Variants in WIPF3 observed in about 807,000 individuals in gnomAD.
WIPF3 encodes the protein WAS/WASL interacting protein family member 3, also known as WAS/WASL-interacting protein family member 3.
Under a neutral mutation model 38.9 loss-of-function variants are expected in WIPF3, and 33 were observed. The ratio of observed to expected loss-of-function variants is 0.85; its 90% CI spans 0.64 to 1.14. The LOEUF (loss-of-function observed/expected upper bound fraction) is 1.14, where lower values mean the gene tolerates loss of function less well. Among genes scored for constraint, WIPF3 ranks in the 50% most tolerant of loss-of-function variants. The pLI is 0.00. For missense variants in WIPF3, 711 were observed against 652.5 expected (o/e 1.09, Z -0.98); for synonymous variants, 324 against 269.3 (o/e 1.20, Z -1.99).
intron 2 of WIPF3, among the ~76,000 whole-genome samples, chr7:29,866,809 T>A (rs1785395895): frequency 6.6e-6 from 1 of 152,222 alleles, no homozygotes; most frequent in Non-Finnish European, 1.5e-5. Flanking sequence ...TGAGGCAACA[T>A]CTAGCCTGGC....
intron 7 of WIPF3, among the ~76,000 whole-genome samples, chr7:29,890,929 CT>C (rs1786001435): frequency 7.2e-6 from 1 of 139,846 alleles, no homozygotes; most frequent in Non-Finnish European, 1.5e-5. Flanking sequence ...GCGGGCCTGC[CT>C]TGTGCTCAGG....
intron 2 of WIPF3, among the ~76,000 whole-genome samples, chr7:29,842,666 A>C (rs535682937): frequency 3.5e-4 from 53 of 152,294 alleles, no homozygotes; most frequent in African/African-American, 1.3e-3. Context: ...GTAGAAAAAC[A>C]TGCCAATCTG....
chr7:29,884,268 GCCCATCCC>G lies in WIPF3; in HGVS notation c.775_782del (p.Pro259AlafsTer56). Reference sequence around the variant, plus strand: ...CTCAGCTGGCTCCCTTGCACCTCCCGCCCATCCCGCCCCCGCTCCCTCTGCTCCCACCT... The same window carrying G: ...CTCAGCTGGCTCCCTTGCACCTCCCGGCCCCCGCTCCCTCTGCTCCCACCT... On this transcript the variant is annotated frameshift_variant, in exon 5 of 9. Coordinates refer to ENST00000242140, the MANE Select transcript of WIPF3 (RefSeq NM_001080529.3). LOFTEE classifies it high-confidence loss of function. 7.2e-5 allele frequency: 35 copies of G among 486,026 alleles called. No homozygotes were observed. The highest frequency in any genetic ancestry group is 8.8e-5 in the Non-Finnish European group (32 of 365,688). The allele number at this position is 486,026 out of a possible 1,614,324, so 30.1% of individuals were successfully genotyped here. A position where few individuals can be genotyped will look rare whatever the true frequency, so the allele number is the denominator to read the frequency against.
chr7:29,814,132 G>T (rs118179221), intron 1 of WIPF3, among the ~76,000 whole-genome samples: 5,057 of 152,242 alleles, frequency 0.033, 134 homozygotes, highest in Middle Eastern at 0.13. Context: ...TGTTGGCCAG[G>T]CTGGTCTCGA....
chr7:29,910,367 A>G (rs1786483279), intron 8 of WIPF3, among the ~76,000 whole-genome samples: 1 of 152,176 alleles, frequency 6.6e-6, no homozygotes, highest in South Asian at 2.1e-4. Context: ...AACTAACCCA[A>G]TCCCTCTAAA....
At position 29,826,207 on chromosome 7, in the gene WIPF3, G is replaced by T. The variant is rs142219138; in HGVS notation, c.-57-8461G>T. On this transcript the variant is annotated intron_variant, in intron 1 of 8. Transcript: ENST00000242140. Reference sequence around the variant, plus strand: ...GAGCATAAAACTCCCCTGTAGATAAGATGCTCTCAGAGATTGTGCTTCAGT... The same window carrying T: ...GAGCATAAAACTCCCCTGTAGATAATATGCTCTCAGAGATTGTGCTTCAGT... 2.5e-3 allele frequency among the ~76,000 whole-genome samples: 384 copies of T among 152,294 alleles called. 3 individuals are homozygous for T. Among genetic ancestry groups the T allele is most frequent in the African/African-American group, 9.1e-3 (379 of 41,558 alleles).
At chr7:29,888,267 T>A (rs780625209) in intron 6 of WIPF3, 50 bp downstream of exon 6, 2 of 1,555,772 alleles carry the variant, frequency 1.3e-6, no homozygotes, top group South Asian at 2.4e-5. Flanking sequence ...GGAAAGTGAT[T>A]CTCCCAACCT....
intron 2 of WIPF3, among the ~76,000 whole-genome samples, chr7:29,873,288 C>CTT (rs1202198819): frequency 6.6e-6 from 1 of 152,158 alleles, no homozygotes; most frequent in African/African-American, 2.4e-5. Context: ...CTTGCCTTCC[C>CTT]TAAGGCTCCT....
chr7:29,829,843 C>G (rs1252078300), intron 1 of WIPF3, among the ~76,000 whole-genome samples: 1 of 152,180 alleles, frequency 6.6e-6, no homozygotes, highest in Non-Finnish European at 1.5e-5. Context: ...TCTAATGGTG[C>G]TTGGATGTGT....
intron 7 of WIPF3, among the ~76,000 whole-genome samples, chr7:29,891,527 C>T (rs1332057462): frequency 6.6e-6 from 1 of 152,136 alleles, no homozygotes; most frequent in Non-Finnish European, 1.5e-5. Context: ...AGAAAGGGAT[C>T]AGTATGAAGG....
In WIPF3 at chr7:29,885,922, G is replaced by A. The variant is rs142998032; in HGVS notation, c.1099+1329G>A. Among the ~76,000 whole-genome samples the A allele has an allele frequency of 4.2e-3, 639 of 152,100 alleles. 7 individuals carry two copies. The highest frequency in any genetic ancestry group is 0.014 in the African/African-American group (592 of 41,510). ...TTCTTTTTTCTGAATATATGTACAC[G>A]TTTACATGGTTAATACCATTTTTCA... On this transcript the variant is annotated intron_variant, in intron 5 of 8. Transcript: ENST00000242140.
intron 2 of WIPF3, among the ~76,000 whole-genome samples, chr7:29,858,009 T>G (rs1785213658): frequency 6.6e-6 from 1 of 152,226 alleles, no homozygotes; most frequent in South Asian, 2.1e-4. Context: ...TTATTGGCAT[T>G]TTAATGTGAT....
rs1785701998 is a variant in WIPF3, at chr7:29,880,935, G to A, written c.355+1795G>A. 5.3e-5 allele frequency among the ~76,000 whole-genome samples: 8 copies of A among 152,004 alleles called. No individual in the cohort carries two copies. In the South Asian group the frequency reaches 1.7e-3, roughly 32 times the overall value. ...GCCTTTGCTCCCTCTCTGATCTTCT[G>A]GCCTACCTTTCTTGGTGGTTCATGC... On this transcript the variant is annotated intron_variant, in intron 4 of 8. Transcript: ENST00000242140.
intron 2 of WIPF3, among the ~76,000 whole-genome samples, chr7:29,845,298 C>T (rs1784982703): frequency 6.6e-6 from 1 of 152,162 alleles, no homozygotes; most frequent in Non-Finnish European, 1.5e-5. Context: ...GTGCGGGGCA[C>T]ATAGTGAGGA....
Position 29,884,565 on chromosome 7 carries a change from C to G in WIPF3, c.1071C>G (p.Phe357Leu). 6.2e-7 allele frequency: 1 copy of G among 1,604,374 alleles called. No homozygotes were observed. The highest frequency in any genetic ancestry group is 8.5e-7 in the Non-Finnish European group (1 of 1,176,784). Residue 357 changes from phenylalanine (F) to leucine (L), a missense_variant, in exon 5 of 9, where the codon TTC (phenylalanine) becomes TTG (leucine). Phe to Leu is a conservative substitution (Grantham distance 22). Transcript: ENST00000242140. ...APPAPPGSQP[F>L]LQKKRHGRPG... is the part of the protein sequence containing the mutation. ...CTGCCCCTCCGGGCTCCCAGCCGTT[C>G]CTGCAGAAGAAGAGGCATGGCCGAC...
At position 29,884,266 on chromosome 7, in the gene WIPF3, C is replaced by G; in HGVS notation, c.772C>G (p.Pro258Ala). 12 of 910,788 alleles carry G rather than the reference C, an allele frequency of 1.3e-5. No individual in the cohort carries two copies. The highest frequency in any genetic ancestry group is 1.6e-5 in the Non-Finnish European group (10 of 634,342). 56.4% of individuals were successfully genotyped at this position (910,788 alleles called of 1,614,324 possible). ...VKPQLAPLHL[P>A]PIPPPLPLLP... ...GCCTCAGCTGGCTCCCTTGCACCTC[C>G]CGCCCATCCCGCCCCCGCTCCCTCT... is the stretch of plus-strand genomic sequence containing the variant. Residue 258 changes from proline (P) to alanine (A), a missense_variant, in exon 5 of 9, where the codon CCG becomes GCG. Physicochemically the swap from Pro to Ala is conservative, Grantham distance 27 (BLOSUM62 -1). Coordinates refer to ENST00000242140, the MANE Select transcript of WIPF3 (RefSeq NM_001080529.3).
chr7:29,855,664 G>A (rs564487371), intron 2 of WIPF3, among the ~76,000 whole-genome samples: 1 of 152,216 alleles, frequency 6.6e-6, no homozygotes, highest in Non-Finnish European at 1.5e-5. Flanking sequence ...CAGACCCAGG[G>A]TTAGCCTCAG....
intron 7 of WIPF3, among the ~76,000 whole-genome samples, chr7:29,898,861 T>G (rs962933512): frequency 6.6e-6 from 1 of 152,252 alleles, no homozygotes; most frequent in Non-Finnish European, 1.5e-5. Flanking sequence ...TTTAGTATAC[T>G]TTCTCCGAAT....
chr7:29,870,886 G>T (rs889957067), intron 2 of WIPF3, among the ~76,000 whole-genome samples: 3 of 151,406 alleles, frequency 2.0e-5, no homozygotes, highest in African/African-American at 7.3e-5. Context: ...GAACCCAGGA[G>T]AGGGAGGTGG....
Sources: gnomAD v4.1 joint callset for allele counts (sites outside exome capture counted in the v4.1 genomes callset) on GRCh38, gnomAD v4.1.1 for gene constraint, MANE v1.5 for transcripts, NCBI Gene and HGNC (gene_info 2026-07-23, HGNC 2026-07-21) for gene names.